Variants in DLG2 observed in about 807,000 individuals in gnomAD.
DLG2 encodes the protein discs large MAGUK scaffold protein 2.
Under a neutral mutation model 132.5 loss-of-function variants are expected in DLG2, and 45 were observed. The ratio of observed to expected loss-of-function variants is 0.34; its 90% CI spans 0.27 to 0.44. The LOEUF is 0.44. Ranked by LOEUF, DLG2 falls within the 20% of genes least tolerant of loss-of-function variation. The pLI is 1.00. For missense variants in DLG2, 1,045 were observed against 1,196.9 expected (o/e 0.87, Z 1.87); for synonymous variants, 424 against 419.6 (o/e 1.01, Z -0.13).
At chr11:84,071,386 C>T (rs538922318) in intron 10 of DLG2, among the ~76,000 whole-genome samples, 13 of 151,956 alleles carry the variant, frequency 8.6e-5, no homozygotes, top group Non-Finnish European at 1.3e-4. Flanking sequence ...ATTACAGGCG[C>T]GAGCTACCAT....
Position 84,019,571 on chromosome 11 carries a change from CTGTGACTTT to C in DLG2, c.920-38938_920-38930del, listed in dbSNP as rs200625771. Among the ~76,000 whole-genome samples, 253 of 152,198 alleles carry C rather than the reference CTGTGACTTT, an allele frequency of 1.7e-3. 2 individuals are homozygous for C. Among genetic ancestry groups the C allele is most frequent in the African/African-American group, 5.7e-3 (238 of 41,530 alleles). On this transcript the variant is annotated intron_variant, in intron 11 of 27. Transcript: ENST00000376104. Reference sequence around the variant, plus strand: ...ATGGTGAAGTTCTAATCTCCAGTATCTGTGACTTTATTTAGAAATAGGGTGTTTGAAGAT... The same window carrying C: ...ATGGTGAAGTTCTAATCTCCAGTATCATTTAGAAATAGGGTGTTTGAAGAT...
Position 84,678,999 on chromosome 11 carries a change from T to C in DLG2, c.358-144268A>G, listed in dbSNP as rs117831452. 3.5e-4 allele frequency among the ~76,000 whole-genome samples: 53 copies of C among 152,224 alleles called. No homozygotes were observed. In the East Asian group the frequency reaches 0.01, roughly 29 times the overall value. ...TAGTTGAGTCAGCATTTAGGATAAG[T>C]AACATTTATTCTCATAGAAATTTTG... On this transcript the variant is annotated intron_variant, in intron 6 of 27. Transcript: ENST00000376104.
chr11:85,420,724 T>A (rs1055801057), intron 3 of DLG2, among the ~76,000 whole-genome samples: 2 of 152,204 alleles, frequency 1.3e-5, no homozygotes, highest in Non-Finnish European at 1.5e-5. Context: ...CAGCTTTGTT[T>A]ACACTGTGAG....
At chr11:83,893,144 C>T (rs1248368205) in intron 15 of DLG2, among the ~76,000 whole-genome samples, 1 of 152,210 alleles carries the variant, frequency 6.6e-6, no homozygotes, top group Non-Finnish European at 1.5e-5. Context: ...AGTGCTACCA[C>T]CTTAATGGAA....
chr11:84,949,780 C>T (rs2050690937), intron 6 of DLG2, among the ~76,000 whole-genome samples: 2 of 152,138 alleles, frequency 1.3e-5, no homozygotes, highest in African/African-American at 4.8e-5. Flanking sequence ...ACATGCTGTA[C>T]AATTTGTGTA....
At chr11:83,651,330 A>G (rs1040370242) in intron 18 of DLG2, among the ~76,000 whole-genome samples, 1 of 152,190 alleles carries the variant, frequency 6.6e-6, no homozygotes, top group East Asian at 1.9e-4. Flanking sequence ...AATAATGCCA[A>G]CTACAATTAC....
intron 3 of DLG2, among the ~76,000 whole-genome samples, chr11:85,521,033 A>C (rs540722123): frequency 8.5e-5 from 13 of 152,318 alleles, no homozygotes; most frequent in African/African-American, 3.1e-4. Flanking sequence ...TCAAGTTAAA[A>C]AGTTTCCGCA....
chr11:85,150,919 T>C (rs2077207525), intron 5 of DLG2, among the ~76,000 whole-genome samples: 1 of 152,144 alleles, frequency 6.6e-6, no homozygotes, highest in African/African-American at 2.4e-5. Flanking sequence ...GATCGTACGG[T>C]ATTTCTATTT....
intron 3 of DLG2, among the ~76,000 whole-genome samples, chr11:85,496,094 G>A (rs115085456): frequency 0.022 from 3,388 of 152,248 alleles, 120 homozygotes; most frequent in African/African-American, 0.076. Context: ...AGCAGGGCAC[G>A]GTGTCACATC....
chr11:85,592,073 T>C (rs1299962103), intron 3 of DLG2, among the ~76,000 whole-genome samples: 1 of 152,250 alleles, frequency 6.6e-6, no homozygotes, highest in Non-Finnish European at 1.5e-5. Flanking sequence ...TATGCCATTT[T>C]AGTCTAGCCC....
At chr11:83,515,460 T>G (rs962647243) in intron 21 of DLG2, among the ~76,000 whole-genome samples, 2 of 152,180 alleles carry the variant, frequency 1.3e-5, no homozygotes, top group Non-Finnish European at 2.9e-5. Flanking sequence ...TTTGTTGATC[T>G]TTTCAAAAAA....
intron 3 of DLG2, among the ~76,000 whole-genome samples, chr11:85,565,850 A>G (rs2077500076): frequency 6.6e-6 from 1 of 152,084 alleles, no homozygotes; most frequent in South Asian, 2.1e-4. Context: ...TATATTTTCA[A>G]TTCTCTTGGG....
chr11:85,077,840 C>T (rs989047672), intron 6 of DLG2, among the ~76,000 whole-genome samples: 1 of 151,932 alleles, frequency 6.6e-6, no homozygotes. Context: ...GGGATAGTCT[C>T]CATTATATAT....
chr11:84,278,831 A>T (rs2097818926), intron 7 of DLG2, among the ~76,000 whole-genome samples: 1 of 151,662 alleles, frequency 6.6e-6, no homozygotes, highest in South Asian at 2.1e-4. Flanking sequence ...TTATTTTATT[A>T]TACTTTAAGT....
chr11:85,070,267 T>C (rs1342962485), intron 6 of DLG2, among the ~76,000 whole-genome samples: 1 of 150,752 alleles, frequency 6.6e-6, no homozygotes. Context: ...CAAACCTGCA[T>C]GTTGTGCACA....
At position 85,122,975 on chromosome 11, in the gene DLG2, T is replaced by TATATATATATATATA. The variant is rs57980898; in HGVS notation, c.283-11241_283-11240insTATATATATATATAT. 6.0e-4 allele frequency among the ~76,000 whole-genome samples: 30 copies of TATATATATATATATA among 49,900 alleles called. 1 individual carries two copies. The highest frequency in any genetic ancestry group is 4.3e-3 in the South Asian group (6 of 1,382). 32.7% of individuals were successfully genotyped at this position (49,900 alleles called of 152,430 possible). On this transcript the variant is annotated intron_variant, in intron 5 of 27. Transcript: ENST00000376104. ...TATATATATATATATATATATTTTT[T>TATATATATATATATA]TTTTTTTTTTTTTTTTTTTTGAGAC...
At chr11:83,493,975 G>T (rs1423256156) in intron 21 of DLG2, among the ~76,000 whole-genome samples, 2 of 152,062 alleles carry the variant, frequency 1.3e-5, no homozygotes, top group Non-Finnish European at 2.9e-5. Flanking sequence ...ATAAAGCCAA[G>T]GTATCAAAGC....
At chr11:85,282,496 C>T (rs1414097207) in intron 4 of DLG2, among the ~76,000 whole-genome samples, 1 of 116,378 alleles carries the variant, frequency 8.6e-6, no homozygotes, top group Non-Finnish European at 1.8e-5. Flanking sequence ...ATTATGTATC[C>T]ATAATAATTA....
At chr11:83,998,082 G>C (rs2094145872) in intron 11 of DLG2, among the ~76,000 whole-genome samples, 1 of 152,000 alleles carries the variant, frequency 6.6e-6, no homozygotes, top group Non-Finnish European at 1.5e-5. Flanking sequence ...GTTTCAGTGA[G>C]CTGAGATCCC....
Sources: gnomAD v4.1 joint callset for allele counts (sites outside exome capture counted in the v4.1 genomes callset) on GRCh38, gnomAD v4.1.1 for gene constraint, MANE v1.5 for transcripts, NCBI Gene and HGNC (gene_info 2026-07-23, HGNC 2026-07-21) for gene names.